PEAK1: variants seen among roughly 807,000 people sequenced by gnomAD.
PEAK1 encodes the protein inactive tyrosine-protein kinase PEAK1.
PEAK1 carries 54 observed loss-of-function variants against 124.7 expected under a neutral mutation model. That is an observed-to-expected ratio of 0.43 (90% confidence interval 0.35 to 0.54). The LOEUF is 0.54. Among genes scored for constraint, PEAK1 ranks in the 20% least tolerant of loss-of-function variants. PEAK1 has a pLI of 0.01. For missense variants in PEAK1, 2,046 were observed against 2,134.5 expected, an observed-to-expected ratio of 0.96 and a Z score of 0.82; for synonymous variants, 719 against 760.0, an observed-to-expected ratio of 0.95 and a Z score of 0.89.
chr15:77,311,768 G>A (rs1048416777), intron 2 of PEAK1, among the ~76,000 whole-genome samples: 2 of 151,400 alleles, frequency 1.3e-5, no homozygotes, highest in Admixed American at 1.3e-4. Flanking sequence ...TGTGCGTCTG[G>A]TGGGGGGCAC....
Position 77,138,369 on chromosome 15 carries a change from C to A in PEAK1, c.3332-4619G>T, listed in dbSNP as rs967215764. ...AATGTAAAGGCCTTGCATATTATTA[C>A]CATACACTCCTGTAGACTTTATATA... On this transcript the variant is annotated intron_variant, in intron 8 of 9. Transcript: ENST00000682557. 3.9e-5 allele frequency among the ~76,000 whole-genome samples: 6 copies of A among 152,214 alleles called. No homozygotes were observed. In the South Asian group the frequency reaches 1.2e-3, roughly 32 times the overall value.
At position 77,132,286 on chromosome 15, in the gene PEAK1, C is replaced by T. The variant is rs1013939468; in HGVS notation, c.4077+719G>A. 3.3e-5 allele frequency among the ~76,000 whole-genome samples: 5 copies of T among 151,830 alleles called. No homozygotes were observed. In the East Asian group the frequency reaches 5.9e-4, roughly 18 times the overall value. ...TTTTTTTAGAGACAGGGTTTCACCA[C>T]GTTGCCTAGGCTGGTCTCGAACTCC... is the stretch of plus-strand genomic sequence containing the variant. On this transcript the variant is annotated intron_variant, in intron 9 of 9. Coordinates refer to ENST00000682557, the MANE Select transcript of PEAK1 (RefSeq NM_001385026.1).
intron 6 of PEAK1, among the ~76,000 whole-genome samples, chr15:77,199,500 T>A (rs937719978): frequency 6.6e-6 from 1 of 152,224 alleles, no homozygotes; most frequent in Non-Finnish European, 1.5e-5. Context: ...GATTAAACTG[T>A]TGAAGATGAC....
chr15:77,210,549 G>T (rs2058855501), intron 6 of PEAK1, among the ~76,000 whole-genome samples: 1 of 152,116 alleles, frequency 6.6e-6, no homozygotes, highest in African/African-American at 2.4e-5. Context: ...ATTTAAATAG[G>T]AATCTGAAGG....
At chr15:77,129,022 C>CCTACAA (rs2052620183) in intron 9 of PEAK1, among the ~76,000 whole-genome samples, 1 of 152,184 alleles carries the variant, frequency 6.6e-6, no homozygotes, top group Non-Finnish European at 1.5e-5. Context: ...CAATGTGAGA[C>CCTACAA]AGTACCTACA....
intron 5 of PEAK1, among the ~76,000 whole-genome samples, chr15:77,281,346 A>C (rs1364068661): frequency 6.6e-6 from 1 of 152,166 alleles, no homozygotes; most frequent in African/African-American, 2.4e-5. Context: ...CATTCAATAT[A>C]ATCAAAAAAA....
Position 77,182,083 on chromosome 15 carries a change from C to T in PEAK1, c.-114-43G>A, listed in dbSNP as rs142781037. ...AGACAAAAAATCTGAATGAAAAAGG[C>T]ACTATGAGACTTACCATTATTAGTG... is the stretch of plus-strand genomic sequence containing the variant. On this transcript the variant is annotated intron_variant, in intron 6 of 9. Coordinates refer to ENST00000682557, the MANE Select transcript of PEAK1 (RefSeq NM_001385026.1). 262 of 1,336,678 alleles carry T rather than the reference C, an allele frequency of 2.0e-4. 2 individuals are homozygous for T. The East Asian group carries it at 6.3e-3, about 32-fold the overall frequency. The allele number at this position is 1,336,678 out of a possible 1,614,324, so 82.8% of individuals were successfully genotyped here.
intron 2 of PEAK1, among the ~76,000 whole-genome samples, chr15:77,359,008 T>A (rs946951624): frequency 6.6e-6 from 1 of 152,226 alleles, no homozygotes; most frequent in South Asian, 2.1e-4. Flanking sequence ...TTATCTCATA[T>A]ACTTTCTGAC....
intron 5 of PEAK1, among the ~76,000 whole-genome samples, chr15:77,266,929 G>A (rs935243243): frequency 1.3e-5 from 2 of 151,934 alleles, no homozygotes; most frequent in African/African-American, 2.4e-5. Context: ...TGTAGCCTGG[G>A]GCAAGTTCTC....
chr15:77,374,435 T>C (rs914858518), intron 1 of PEAK1, among the ~76,000 whole-genome samples: 2 of 152,156 alleles, frequency 1.3e-5, no homozygotes, highest in African/African-American at 4.8e-5. Flanking sequence ...TATAATTATT[T>C]TGAAAGTCAT....
chr15:77,322,829 C>CA (rs1338803274), intron 2 of PEAK1, among the ~76,000 whole-genome samples: 1 of 151,800 alleles, frequency 6.6e-6, no homozygotes, highest in Non-Finnish European at 1.5e-5. Context: ...ACAACAACAA[C>CA]AAAAAAAGAA....
At chr15:77,348,902 A>G (rs1453177649) in intron 2 of PEAK1, 2 of 948,474 alleles carry the variant, frequency 2.1e-6, no homozygotes, top group Admixed American at 6.2e-5. Flanking sequence ...TTGGCCTCGC[A>G]AAGTGCTGGG....
At chr15:77,248,934 G>A (rs1179201090) in intron 6 of PEAK1, among the ~76,000 whole-genome samples, 1 of 152,026 alleles carries the variant, frequency 6.6e-6, no homozygotes, top group Non-Finnish European at 1.5e-5. Context: ...AGTGATTCTT[G>A]TGCCTCAGCT....
intron 1 of PEAK1, among the ~76,000 whole-genome samples, chr15:77,408,014 T>TAC (rs2072018014): frequency 6.6e-6 from 1 of 150,832 alleles, no homozygotes; most frequent in South Asian, 2.1e-4. Flanking sequence ...CGTACACATA[T>TAC]ACACATATAT....
At chr15:77,271,957 A>G (rs2062059366) in intron 5 of PEAK1, among the ~76,000 whole-genome samples, 1 of 152,190 alleles carries the variant, frequency 6.6e-6, no homozygotes, top group Non-Finnish European at 1.5e-5. Flanking sequence ...ATCAACTCCA[A>G]AAGGAACCTT....
intron 5 of PEAK1, among the ~76,000 whole-genome samples, chr15:77,278,022 G>A (rs1358053242): frequency 6.6e-6 from 1 of 152,090 alleles, no homozygotes; most frequent in Non-Finnish European, 1.5e-5. Context: ...TGATTATGAT[G>A]TCTCAATGAA....
In PEAK1 at chr15:77,274,256, A is replaced by G. The variant is rs118080379; in HGVS notation, c.-275+9627T>C. On this transcript the variant is annotated intron_variant, in intron 5 of 9. Coordinates refer to ENST00000682557, the MANE Select transcript of PEAK1 (RefSeq NM_001385026.1). The stretch of plus-strand genomic sequence containing the variant: ...CCAGAACCCGAAAGCAAACGCAACA[A>G]AAACAAAGATAAATAGATGGAACTT... Among the ~76,000 whole-genome samples the G allele has an allele frequency of 5.8e-3, 882 of 152,308 alleles. 35 individuals are homozygous for G. The East Asian group carries it at 0.11, about 19-fold the overall frequency.
intron 1 of PEAK1, among the ~76,000 whole-genome samples, chr15:77,414,852 C>T (rs887205120): frequency 6.6e-6 from 1 of 152,248 alleles, no homozygotes; most frequent in Admixed American, 6.5e-5. Flanking sequence ...TTTCTCCCAA[C>T]TGGATCACCT....
chr15:77,325,210 G>A (rs1284014675), intron 2 of PEAK1, among the ~76,000 whole-genome samples: 1 of 152,108 alleles, frequency 6.6e-6, no homozygotes, highest in East Asian at 1.9e-4. Flanking sequence ...CTGAGACTGA[G>A]TTTGGGACCA....
Sources: allele counts gnomAD v4.1 joint callset (sites outside exome capture counted in the v4.1 genomes callset), GRCh38; gene constraint gnomAD v4.1.1; transcripts MANE v1.5; gene names NCBI Gene and HGNC (gene_info 2026-07-23, HGNC 2026-07-21).